The following UGT2B11 variants were observed in gnomAD, a reference collection of about 807,000 sequenced individuals.
UGT2B11 encodes UDP-glucuronosyltransferase 2B11.
UGT2B11 carries 49 observed loss-of-function variants against 51.7 expected under a neutral mutation model. The observed-to-expected ratio is 0.95, with a 90% confidence interval of 0.75 to 1.20. The LOEUF is 1.20. UGT2B11 is among the 50% of genes most tolerant of loss of function. UGT2B11 has a pLI of 0.00. For missense variants in UGT2B11, 810 were observed against 622.1 expected (o/e 1.30, Z -3.21); for synonymous variants, 273 against 209.0 (o/e 1.31, Z -2.64).
At chr4:69,223,033 T>C in the UGT2B11 span, among the ~76,000 whole-genome samples, 5 of 152,098 alleles carry the variant, frequency 3.3e-5, no homozygotes, top group African/African-American at 9.7e-5. Context: ...GTCAGTACTG[T>C]CACGAAGGGC....
intron 4 of UGT2B11, 29 bp downstream of exon 4, chr4:69,205,451 T>C (rs1721815391): frequency 6.2e-7 from 1 of 1,600,116 alleles, no homozygotes; most frequent in African/African-American, 1.3e-5. Flanking sequence ...GTTACTAATA[T>C]ATCCAGTATT....
At chr4:69,215,557 T>C (rs554794791), upstream of UGT2B11, 5 of 152,220 alleles carry the variant, frequency 3.3e-5, no homozygotes, top group East Asian at 9.7e-4. Flanking sequence ...CTTCCACTTT[T>C]GGCCATTATG....
Position 69,214,507 on chromosome 4 carries a change from A to T in UGT2B11, c.216T>A (p.Leu72=). The T allele has an allele frequency of 6.2e-7, 1 of 1,613,168 alleles. No individual in the cohort carries two copies. Among genetic ancestry groups the T allele is most frequent in the South Asian group, 1.1e-5 (1 of 91,050 alleles). ...AAGATGTAGGATAAACTTCAAATTT[A>T]AGAGTGGATGCATCATTGGGATCAA... ...ILFDPNDAST[L]KFEVYPTSLT... Residue 72 remains leucine, a synonymous_variant, in exon 1 of 6, where the codon CTT becomes CTA. Transcript: ENST00000446444.
chr4:69,212,582 G>A lies in UGT2B11; in HGVS notation c.861C>T (p.Pro287=), dbSNP rs760385194. The A allele has an allele frequency of 1.2e-6, 2 of 1,607,560 alleles. No individual in the cohort carries two copies. The highest frequency in any genetic ancestry group is 1.7e-6 in the Non-Finnish European group (2 of 1,176,524). ...VGGFHCKPAK[P]LPKEMEEFVQ... ...ACAAAAGTATGTTTACCTTAGGTAG[G>A]GGTTTGGCAGGTTTGCAGTGGAATC... The change falls in exon 2 of 6, where the codon CCC becomes CCT. Residue 287 remains proline, a synonymous_variant. Coordinates refer to ENST00000446444, the MANE Select transcript of UGT2B11 (RefSeq NM_001073.3).
intron 2 of UGT2B11, among the ~76,000 whole-genome samples, chr4:69,210,378 A>G (rs933774857): frequency 6.6e-6 from 1 of 151,582 alleles, no homozygotes; most frequent in African/African-American, 2.4e-5. Flanking sequence ...CAGTTTGTCA[A>G]GTGTCTTATT....
intron 3 of UGT2B11, among the ~76,000 whole-genome samples, chr4:69,206,725 A>G (rs909449371): frequency 6.6e-6 from 1 of 151,662 alleles, no homozygotes; most frequent in Non-Finnish European, 1.5e-5. Flanking sequence ...AGTGTAATAA[A>G]ACAGTTACTA....
At chr4:69,214,935 A>G (rs866055371), upstream of UGT2B11, 120 of 725,384 alleles carry the variant, frequency 1.7e-4, no homozygotes, top group African/African-American at 1.1e-4. Flanking sequence ...GTTTATATTC[A>G]CTGTCATCCA....
chr4:69,224,829 C>T, the UGT2B11 span, among the ~76,000 whole-genome samples: 58 of 151,584 alleles, frequency 3.8e-4, no homozygotes, highest in Admixed American at 7.2e-4. Flanking sequence ...GGGTCCCAAG[C>T]GGGTAGCTAG....
chr4:69,208,256 A>T, intron 3 of UGT2B11, 95 bp downstream of exon 3: 1 of 1,574,718 alleles, frequency 6.4e-7, no homozygotes, highest in Non-Finnish European at 8.6e-7. Flanking sequence ...GGATGTAAAG[A>T]GTTCACTCTA....
chr4:69,214,452 T>C lies in UGT2B11; in HGVS notation c.271A>G (p.Met91Val), dbSNP rs560719787. 13 of 1,613,312 alleles carry C rather than the reference T, an allele frequency of 8.1e-6. No individual in the cohort carries two copies. The South Asian group carries it at 1.3e-4, about 16-fold the overall frequency. Residue 91 changes from methionine (M) to valine (V), a missense_variant, in exon 1 of 6, where the codon ATG becomes GTG. Transcript: ENST00000446444. ...TCTGACCATCTCTTAACCTGTTGCA[T>C]GATGATATTCTCAAATTCAGTTTTA... is the stretch of plus-strand genomic sequence containing the variant. ...LTKTEFENII[M>V]QQVKRWSDIR...
chr4:69,219,378 C>T (rs1404300688), upstream of UGT2B11, among the ~76,000 whole-genome samples: 6 of 151,928 alleles, frequency 3.9e-5, no homozygotes, highest in Non-Finnish European at 8.8e-5. Flanking sequence ...CAATTATATT[C>T]GCCCGTTCTG....
chr4:69,210,852 A>G (rs1259794342), intron 2 of UGT2B11, among the ~76,000 whole-genome samples: 3 of 151,664 alleles, frequency 2.0e-5, no homozygotes, highest in African/African-American at 7.2e-5. Context: ...ATAATAATGC[A>G]TTGAAGAATG....
chr4:69,217,411 G>T (rs540032944), upstream of UGT2B11, among the ~76,000 whole-genome samples: 2 of 152,018 alleles, frequency 1.3e-5, no homozygotes, highest in African/African-American at 4.8e-5. Flanking sequence ...AATATTGCCT[G>T]CAGAGTGGCA....
chr4:69,222,732 T>G, the UGT2B11 span, among the ~76,000 whole-genome samples: 5 of 152,226 alleles, frequency 3.3e-5, no homozygotes, highest in Non-Finnish European at 5.9e-5. Context: ...ATCAGGATCA[T>G]CTGAGAATTT....
intron 5 of UGT2B11, among the ~76,000 whole-genome samples, chr4:69,203,767 T>A (rs922771348): frequency 2.0e-5 from 3 of 151,782 alleles, no homozygotes; most frequent in African/African-American, 7.2e-5. Context: ...GACTGTATGA[T>A]TCCATTTATA....
intron 3 of UGT2B11, among the ~76,000 whole-genome samples, chr4:69,208,117 T>C (rs1721924661): frequency 6.6e-6 from 1 of 151,538 alleles, no homozygotes; most frequent in Non-Finnish European, 1.5e-5. Context: ...TTCCCACTGA[T>C]ACTAATAGGA....
At chr4:69,221,974 C>T in the UGT2B11 span, among the ~76,000 whole-genome samples, 1 of 152,268 alleles carries the variant, frequency 6.6e-6, no homozygotes, top group East Asian at 1.9e-4. Context: ...GTTGAACACT[C>T]TTTCTTAAAG....
chr4:69,212,324 C>T (rs1206372246), intron 2 of UGT2B11, among the ~76,000 whole-genome samples: 1 of 151,446 alleles, frequency 6.6e-6, no homozygotes, highest in African/African-American at 2.4e-5. Flanking sequence ...GTTGCATAAT[C>T]AACATTTTAC....
rs1450780638 is a variant in UGT2B11, at chr4:69,200,710, C to A, written c.1320G>T (p.Glu440Asp). ...KTVINDPLYK[E>D]NIMKLSRIQH... ...GAATTCTTGATAATTTCATAATATT[C>A]TCTTTATATCTGAAGGATAAAAATA... The change falls in exon 6 of 6, where the codon GAG becomes GAT. Residue 440 changes from glutamate to aspartate, a missense_variant. Glu to Asp is a conservative substitution (Grantham distance 45, BLOSUM62 2). Coordinates refer to ENST00000446444, the MANE Select transcript of UGT2B11 (RefSeq NM_001073.3). 2.5e-6 allele frequency: 4 copies of A among 1,608,792 alleles called. No individual in the cohort carries two copies. Among genetic ancestry groups the A allele is most frequent in the South Asian group, 1.1e-5 (1 of 90,348 alleles).
Sources: gnomAD v4.1 joint callset for allele counts (sites outside exome capture counted in the v4.1 genomes callset) on GRCh38, gnomAD v4.1.1 for gene constraint, MANE v1.5 for transcripts, NCBI Gene and HGNC (gene_info 2026-07-23, HGNC 2026-07-21) for gene names.